Variants in PCNX4 observed in about 807,000 individuals in gnomAD.
PCNX4 encodes pecanex 4.
A neutral mutation model predicts 107.2 loss-of-function variants in PCNX4; 103 were observed. That is an observed-to-expected ratio of 0.96 (90% CI 0.82 to 1.13). PCNX4 has a LOEUF of 1.13. Among genes scored for constraint, PCNX4 ranks in the 50% most tolerant of loss-of-function variants. PCNX4 has a pLI of 0.00. For missense variants in PCNX4, 1,528 were observed against 1,379.4 expected, an observed-to-expected ratio of 1.11 and a Z score of -1.71; for synonymous variants, 541 against 481.7, an observed-to-expected ratio of 1.12 and a Z score of -1.61.
Position 60,144,165 on chromosome 14 carries a change from T to C in PCNX4, c.*9944T>C, listed in dbSNP as rs528808578. 2.6e-5 allele frequency: 4 copies of C among 152,368 alleles called. No individual in the cohort carries two copies. Among genetic ancestry groups the C allele is most frequent in the African/African-American group, 7.2e-5 (3 of 41,572 alleles). 9.4% of individuals were successfully genotyped at this position (152,368 alleles called of 1,614,324 possible). On this transcript the variant is annotated 3_prime_UTR_variant, in exon 11 of 11. Coordinates refer to ENST00000406854, the MANE Select transcript of PCNX4 (RefSeq NM_001330177.2). ...GGTGTTTAATGAATAATAGGTGCAA[T>C]GAATCCTACCTGCTGCTTCAAATTA...
intron 1 of PCNX4, 98 bp from the exon 2 acceptor site, chr14:60,107,488 G>A: frequency 1.5e-6 from 1 of 679,046 alleles, no homozygotes; most frequent in Non-Finnish European, 2.4e-6. Flanking sequence ...TCCTACCCTT[G>A]AAGGAAGTGA....
intron 1 of PCNX4, among the ~76,000 whole-genome samples, chr14:60,105,484 T>C (rs981174201): frequency 2.0e-5 from 3 of 152,200 alleles, no homozygotes; most frequent in Non-Finnish European, 1.5e-5. Flanking sequence ...TCTGAAACTT[T>C]TTATACATAC....
Position 60,125,229 on chromosome 14 carries a change from C to T in PCNX4, c.3058C>T (p.Gln1020Ter), listed in dbSNP as rs1242970402. Reference protein sequence around the residue: ...DWLTEKPELFQLALKAFRYTL... With the variant: ...DWLTEKPELF ...GCTCACAGAAAAGCCAGAACTGTTTCAACTAGCACTGAAAGCATTCAGGTA... is the reference window on the plus strand; with the variant it reads ...GCTCACAGAAAAGCCAGAACTGTTTTAACTAGCACTGAAAGCATTCAGGTA... Residue 1020 changes from glutamine to a stop codon, truncating the protein, a stop_gained, in exon 9 of 11, where the codon CAA becomes TAA. Transcript: ENST00000406854. LOFTEE classifies it high-confidence loss of function. 1.3e-6 allele frequency: 2 copies of T among 1,579,618 alleles called. No homozygotes were observed. Among genetic ancestry groups the T allele is most frequent in the African/African-American group, 1.4e-5 (1 of 73,166 alleles).
In PCNX4 at chr14:60,115,947, C is replaced by T; in HGVS notation, c.1465C>T (p.Gln489Ter). 2 of 1,609,410 alleles carry T rather than the reference C, an allele frequency of 1.2e-6. No homozygotes were observed. The highest frequency in any genetic ancestry group is 1.7e-6 in the Non-Finnish European group (2 of 1,177,088). The change falls in exon 6 of 11, where the codon CAG (glutamine) becomes TAG (stop). Residue 489 changes from glutamine (Q) to a stop codon, truncating the protein, a stop_gained. Coordinates refer to ENST00000406854, the MANE Select transcript of PCNX4 (RefSeq NM_001330177.2). LOFTEE classifies it high-confidence loss of function. Reference sequence around the variant, plus strand: ...GATAATTTGTATACTGCAGGTATGGCAGAATACAGAAAATGCTTTATTGGA... The same window carrying T: ...GATAATTTGTATACTGCAGGTATGGTAGAATACAGAAAATGCTTTATTGGA... ...GFTRAFRMVW[Q>*]NTENALLETV...
Position 60,107,288 on chromosome 14 carries a change from G to A in PCNX4, c.-53-298G>A, listed in dbSNP as rs114547679. On this transcript the variant is annotated intron_variant, in intron 1 of 10. Transcript: ENST00000406854. ...CCCAGCTACTCAGGAGGCTAAGGTG[G>A]GAGGATCACTTTGAGCTTGGGAGGT... is the stretch of plus-strand genomic sequence containing the variant. Among the ~76,000 whole-genome samples the A allele has an allele frequency of 6.1e-3, 934 of 152,268 alleles. 12 individuals carry two copies. The highest frequency in any genetic ancestry group is 0.022 in the African/African-American group (912 of 41,544).
In PCNX4 at chr14:60,135,731, T is replaced by C. The variant is rs1417315679; in HGVS notation, c.*1510T>C. ...CCACGCCGGCTAATTTTTGTATTTT[T>C]AGTAGAGACAGAGTTTCACCATGTT... On this transcript the variant is annotated 3_prime_UTR_variant, in exon 11 of 11. Coordinates refer to ENST00000406854, the MANE Select transcript of PCNX4 (RefSeq NM_001330177.2). 1.3e-5 allele frequency: 2 copies of C among 152,274 alleles called. No homozygotes were observed. The highest frequency in any genetic ancestry group is 2.9e-5 in the Non-Finnish European group (2 of 68,110). 9.4% of individuals were successfully genotyped at this position (152,274 alleles called of 1,614,324 possible). A position where few individuals can be genotyped will look rare whatever the true frequency, so the allele number is the denominator to read the frequency against.
intron 6 of PCNX4, among the ~76,000 whole-genome samples, chr14:60,117,564 AT>A (rs1895873957): frequency 6.6e-6 from 1 of 152,286 alleles, no homozygotes; most frequent in Non-Finnish European, 1.5e-5. Context: ...TAGGACTGGA[AT>A]TTCTGGTTGT....
At chr14:60,119,971 T>TC (rs1895924462) in intron 7 of PCNX4, among the ~76,000 whole-genome samples, 1 of 152,142 alleles carries the variant, frequency 6.6e-6, no homozygotes, top group Non-Finnish European at 1.5e-5. Context: ...GATGTATATA[T>TC]CCCGTGGCTC....
intron 10 of PCNX4, among the ~76,000 whole-genome samples, chr14:60,129,556 A>G (rs1461217214): frequency 6.6e-6 from 1 of 152,192 alleles, no homozygotes; most frequent in Non-Finnish European, 1.5e-5. Flanking sequence ...CTGTCTCTGA[A>G]AAATAATTAA....
intron 10 of PCNX4, among the ~76,000 whole-genome samples, chr14:60,132,730 TA>T (rs200388831): frequency 4.1e-5 from 6 of 147,796 alleles, no homozygotes; most frequent in African/African-American, 9.9e-5. Flanking sequence ...CTAGAATATA[TA>T]AAAAAAAAAC....
At position 60,115,774 on chromosome 14, in the gene PCNX4, C is replaced by G; in HGVS notation, c.1413C>G (p.Leu471=). Residue 471 remains leucine, a synonymous_variant, in exon 5 of 11, where the codon CTC becomes CTG. Transcript: ENST00000406854. ...FLSLDSSLQG[L]HSVSVCIGFT... is the part of the protein sequence containing the mutation. Reference sequence around the variant, plus strand: ...CATTGGACAGTTCCTTACAAGGGCTCCACTCAGTGTCTGTCTGTATTGGAT... The same window carrying G: ...CATTGGACAGTTCCTTACAAGGGCTGCACTCAGTGTCTGTCTGTATTGGAT... 1 of 1,613,338 alleles carries G rather than the reference C, an allele frequency of 6.2e-7. No individual in the cohort carries two copies. The highest frequency in any genetic ancestry group is 1.1e-5 in the South Asian group (1 of 91,052).
In PCNX4 at chr14:60,147,545, G is replaced by C. The variant is rs1896439916; in HGVS notation, c.*13324G>C. 1 of 152,094 alleles carries C rather than the reference G, an allele frequency of 6.6e-6. No individual in the cohort carries two copies. The highest frequency in any genetic ancestry group is 6.6e-5 in the Admixed American group (1 of 15,262). The allele number at this position is 152,094 out of a possible 1,614,324, so 9.4% of individuals were successfully genotyped here. A position where few individuals can be genotyped will look rare whatever the true frequency, so the allele number is the denominator to read the frequency against. On this transcript the variant is annotated 3_prime_UTR_variant, in exon 11 of 11. Transcript: ENST00000406854. ...AAGAAAATCTTTGATCATTAAGGAAGCTGAATATCCTGCTATATCTAACTC... is the reference window on the plus strand; with the variant it reads ...AAGAAAATCTTTGATCATTAAGGAACCTGAATATCCTGCTATATCTAACTC...
intron 10 of PCNX4, among the ~76,000 whole-genome samples, chr14:60,127,024 A>G (rs994335485): frequency 2.0e-5 from 3 of 152,338 alleles, no homozygotes; most frequent in African/African-American, 7.2e-5. Context: ...GCAAATTATT[A>G]TTAACAACAA....
rs1469350402 is a variant in PCNX4, at chr14:60,134,918, A to G, written c.*697A>G. On this transcript the variant is annotated 3_prime_UTR_variant, in exon 11 of 11. Coordinates refer to ENST00000406854, the MANE Select transcript of PCNX4 (RefSeq NM_001330177.2). ...AATCTGCATATGACTACTAAAGCAT[A>G]TATCTGACTCATTATGTATTTCTTT... is the stretch of plus-strand genomic sequence containing the variant. The G allele has an allele frequency of 1.3e-5, 2 of 152,244 alleles. No individual in the cohort carries two copies. The highest frequency in any genetic ancestry group is 4.8e-5 in the African/African-American group (2 of 41,468). The allele number at this position is 152,244 out of a possible 1,614,324, so 9.4% of individuals were successfully genotyped here.
intron 1 of PCNX4, among the ~76,000 whole-genome samples, chr14:60,098,188 A>T (rs1196844186): frequency 2.0e-5 from 3 of 152,064 alleles, no homozygotes; most frequent in African/African-American, 7.2e-5. Context: ...CTGGCTGGAG[A>T]GATGTCAGCC....
chr14:60,125,242 A>C lies in PCNX4; in HGVS notation c.3071A>C (p.Lys1024Thr). 6.4e-7 allele frequency: 1 copy of C among 1,564,628 alleles called. No individual in the cohort carries two copies. Among genetic ancestry groups the C allele is most frequent in the Non-Finnish European group, 8.6e-7 (1 of 1,159,254 alleles). ...CCAGAACTGTTTCAACTAGCACTGA[A>C]AGCATTCAGGTAATCCATTTTGATC... ...EKPELFQLAL[K>T]AFRYTLKLMI... Residue 1024 changes from lysine to threonine, a missense_variant, in exon 9 of 11, where the codon AAA becomes ACA. Lys to Thr is a moderately conservative substitution (Grantham distance 78). Transcript: ENST00000406854.
chr14:60,108,152 G>A lies in PCNX4; in HGVS notation c.514G>A (p.Gly172Ser), dbSNP rs536610090. 1.4e-5 allele frequency: 22 copies of A among 1,612,836 alleles called. No homozygotes were observed. In the East Asian group the frequency reaches 4.2e-4, roughly 31 times the overall value. Residue 172 changes from glycine to serine, a missense_variant, in exon 2 of 11, where the codon GGC (glycine) becomes AGC (serine). By Grantham distance (56) the Gly-to-Ser change is moderately conservative (BLOSUM62 0). Coordinates refer to ENST00000406854, the MANE Select transcript of PCNX4 (RefSeq NM_001330177.2). ...AACCTTGCTGTATGGCAGTACAGGAGGCACTGCTCTACTATTCTTCTTTGG... is the reference window on the plus strand; with the variant it reads ...AACCTTGCTGTATGGCAGTACAGGAAGCACTGCTCTACTATTCTTCTTTGG... ...RITLLYGSTG[G>S]TALLFFFGWM...
At chr14:60,127,839 A>G (rs1290737072) in intron 10 of PCNX4, among the ~76,000 whole-genome samples, 1 of 152,250 alleles carries the variant, frequency 6.6e-6, no homozygotes, top group Non-Finnish European at 1.5e-5. Flanking sequence ...GTCATTATAA[A>G]TATGTTCATA....
At chr14:60,105,109 A>G (rs1180877929) in intron 1 of PCNX4, among the ~76,000 whole-genome samples, 1 of 152,194 alleles carries the variant, frequency 6.6e-6, no homozygotes, top group Non-Finnish European at 1.5e-5. Context: ...TTTGGGCATC[A>G]TGTTGGCACT....
Sources: gnomAD v4.1 joint callset for allele counts (sites outside exome capture counted in the v4.1 genomes callset) on GRCh38, gnomAD v4.1.1 for gene constraint, MANE v1.5 for transcripts, NCBI Gene and HGNC (gene_info 2026-07-23, HGNC 2026-07-21) for gene names.